Variants in FNBP1 observed in about 807,000 individuals in gnomAD.
FNBP1 encodes the protein formin binding protein 1.
In FNBP1, 26 loss-of-function variants were observed where a neutral mutation model predicts 90.6. The ratio of observed to expected loss-of-function variants is 0.29; its 90% CI spans 0.21 to 0.40. The LOEUF is 0.40. FNBP1 is among the 10% of genes least tolerant of loss of function. The pLI is 1.00. For missense variants in FNBP1, 635 were observed against 768.0 expected (o/e 0.83, Z 2.05); for synonymous variants, 260 against 265.2 (o/e 0.98, Z 0.19).
the FNBP1 span, chr9:130,053,759 G>T: frequency 3.2e-6 from 2 of 622,852 alleles, no homozygotes; most frequent in South Asian, 3.9e-5. Flanking sequence ...GAAGGGCCCC[G>T]AGGTGGGCAG....
At chr9:129,977,484 A>ATT (rs34068585) in intron 4 of FNBP1, among the ~76,000 whole-genome samples, 3 of 139,262 alleles carry the variant, frequency 2.2e-5, no homozygotes, top group Admixed American at 7.2e-5. Flanking sequence ...ACAAGCACTA[A>ATT]TTTTTTTTTT....
intron 10 of FNBP1, among the ~76,000 whole-genome samples, chr9:129,918,186 T>C (rs769104072): frequency 3.3e-5 from 5 of 152,216 alleles, no homozygotes; most frequent in Admixed American, 2.0e-4. Context: ...GAAATCCCCA[T>C]TGAATAGGAA....
At chr9:130,027,465 G>A (rs1391441362) in intron 1 of FNBP1, among the ~76,000 whole-genome samples, 1 of 152,144 alleles carries the variant, frequency 6.6e-6, no homozygotes, top group Non-Finnish European at 1.5e-5. Flanking sequence ...ATACATGGTA[G>A]CTTTGTCCTT....
At chr9:130,048,465 A>G in the FNBP1 span, among the ~76,000 whole-genome samples, 1 of 146,350 alleles carries the variant, frequency 6.8e-6, no homozygotes, top group African/African-American at 2.5e-5. Context: ...TGGCTGAATT[A>G]CTTTCCTTCT....
rs138640652 is a variant in FNBP1, at chr9:129,954,727, T to C, written c.513+2633A>G. 5.2e-3 allele frequency among the ~76,000 whole-genome samples: 794 copies of C among 152,338 alleles called. 6 individuals are homozygous for C. The highest frequency in any genetic ancestry group is 0.018 in the African/African-American group (742 of 41,586). On this transcript the variant is annotated intron_variant, in intron 6 of 16. Coordinates refer to ENST00000446176, the MANE Select transcript of FNBP1 (RefSeq NM_015033.3). Reference sequence around the variant, plus strand: ...TTAAAATCATTCTTGGCTGGCGCAGTGGCTCATGCCTGTAATCCCAGCACT... The same window carrying C: ...TTAAAATCATTCTTGGCTGGCGCAGCGGCTCATGCCTGTAATCCCAGCACT...
the FNBP1 span, among the ~76,000 whole-genome samples, chr9:130,049,704 A>AAAAAAT: frequency 6.6e-6 from 1 of 152,060 alleles, no homozygotes; most frequent in Non-Finnish European, 1.5e-5. Context: ...CTGTCTCAAA[A>AAAAAAT]AAAAATAAAA....
At chr9:129,934,627 A>C (rs2043180807) in intron 6 of FNBP1, among the ~76,000 whole-genome samples, 1 of 151,130 alleles carries the variant, frequency 6.6e-6, no homozygotes, top group Non-Finnish European at 1.5e-5. Context: ...GCTGGAGTGC[A>C]GTGGCACAAT....
chr9:130,046,564 G>A (rs544084567), upstream of FNBP1, among the ~76,000 whole-genome samples: 24 of 97,918 alleles, frequency 2.5e-4, no homozygotes, highest in African/African-American at 8.8e-4. Flanking sequence ...TGAAAGCCCT[G>A]TCTCTACTAA....
intron 1 of FNBP1, among the ~76,000 whole-genome samples, chr9:130,040,448 G>A (rs1403663850): frequency 4.0e-5 from 6 of 151,854 alleles, no homozygotes; most frequent in Non-Finnish European, 5.9e-5. Flanking sequence ...GCGAAACCCC[G>A]TCTCTACTAA....
At chr9:130,013,335 AAAT>A (rs1234867890) in intron 1 of FNBP1, among the ~76,000 whole-genome samples, 34 of 152,188 alleles carry the variant, frequency 2.2e-4, no homozygotes, top group African/African-American at 7.2e-4. Flanking sequence ...AAAAATAAAT[AAAT>A]AAGAATTTTA....
intron 1 of FNBP1, among the ~76,000 whole-genome samples, chr9:130,021,001 G>A (rs1460640786): frequency 6.6e-6 from 1 of 152,080 alleles, no homozygotes; most frequent in Non-Finnish European, 1.5e-5. Context: ...AAACATCACT[G>A]CTGCTTGCTT....
chr9:129,898,172 C>G (rs2036147555), intron 15 of FNBP1, among the ~76,000 whole-genome samples: 1 of 152,098 alleles, frequency 6.6e-6, no homozygotes, highest in African/African-American at 2.4e-5. Flanking sequence ...TCCAGTGGAT[C>G]CTACACATCT....
rs1409334399 is a variant in FNBP1, at chr9:129,887,438, T to G, written c.*3101A>C. On this transcript the variant is annotated 3_prime_UTR_variant, in exon 17 of 17. Coordinates refer to ENST00000446176, the MANE Select transcript of FNBP1 (RefSeq NM_015033.3). ...TAGAATTCTGGACCTTTTTAAAAAGTTTTTGGATGATATAAGCACAGGAGG... is the reference window on the plus strand; with the variant it reads ...TAGAATTCTGGACCTTTTTAAAAAGGTTTTGGATGATATAAGCACAGGAGG... 1 of 200,126 alleles carries G rather than the reference T, an allele frequency of 5.0e-6. No individual in the cohort carries two copies. The highest frequency in any genetic ancestry group is 1.0e-5 in the Non-Finnish European group (1 of 97,002). The allele number at this position is 200,126 out of a possible 1,614,324, so 12.4% of individuals were successfully genotyped here.
intron 2 of FNBP1, among the ~76,000 whole-genome samples, chr9:129,985,952 G>T (rs1029281392): frequency 3.2e-5 from 3 of 93,612 alleles, no homozygotes; most frequent in African/African-American, 1.3e-4. Flanking sequence ...CAAGAACAAA[G>T]CTCCATCTCA....
intron 6 of FNBP1, among the ~76,000 whole-genome samples, chr9:129,938,157 T>C (rs905199559): frequency 5.9e-5 from 9 of 152,072 alleles, no homozygotes; most frequent in Non-Finnish European, 1.3e-4. Flanking sequence ...AGTGAGACTC[T>C]GTCTCAAAAA....
chr9:129,899,829 A>AAGGGG, intron 15 of FNBP1, 136 bp downstream of exon 15: 1 of 663,382 alleles, frequency 1.5e-6, no homozygotes, highest in African/African-American at 2.1e-5. Context: ...AGGGGAAGGG[A>AAGGGG]AGGTAGGAAG....
At chr9:129,986,571 C>A (rs994734755) in intron 2 of FNBP1, among the ~76,000 whole-genome samples, 1 of 152,104 alleles carries the variant, frequency 6.6e-6, no homozygotes, top group Non-Finnish European at 1.5e-5. Context: ...GTGGGCGGAT[C>A]ACAAGGTCAA....
At chr9:129,916,804 T>C (rs569222048) in intron 10 of FNBP1, among the ~76,000 whole-genome samples, 12 of 152,140 alleles carry the variant, frequency 7.9e-5, no homozygotes, top group African/African-American at 2.9e-4. Flanking sequence ...AAGTCTGAAA[T>C]TGGTGAATTG....
At chr9:130,008,993 A>G (rs1170717910) in intron 1 of FNBP1, among the ~76,000 whole-genome samples, 1 of 152,224 alleles carries the variant, frequency 6.6e-6, no homozygotes, top group African/African-American at 2.4e-5. Context: ...AGAAAGAAGT[A>G]TACAAGCTAA....
Sources: gnomAD v4.1 joint callset for allele counts (sites outside exome capture counted in the v4.1 genomes callset) on GRCh38, gnomAD v4.1.1 for gene constraint, MANE v1.5 for transcripts, NCBI Gene and HGNC (gene_info 2026-07-23, HGNC 2026-07-21) for gene names.